The following KANK1 variants were observed in gnomAD, a reference collection of about 807,000 sequenced individuals.
KANK1 encodes KN motif and ankyrin repeat domain-containing protein 1.
KANK1 carries 109 observed loss-of-function variants against 106.2 expected under a neutral mutation model. The ratio of observed to expected loss-of-function variants is 1.03; its 90% CI spans 0.88 to 1.20. KANK1 has a LOEUF of 1.20. KANK1 is among the 50% of genes most tolerant of loss of function. KANK1 has a pLI of 0.00. For missense variants in KANK1, 2,399 were observed against 1,710.7 expected (o/e 1.40, Z -7.10); for synonymous variants, 873 against 652.2 (o/e 1.34, Z -5.16).
chr9:497,042 C>G (rs1255153632), intron 3 of KANK1, among the ~76,000 whole-genome samples: 1 of 152,036 alleles, frequency 6.6e-6, no homozygotes, highest in African/African-American at 2.4e-5. Flanking sequence ...ATACAGGGTT[C>G]CAGCTTAATG....
intron 3 of KANK1, among the ~76,000 whole-genome samples, chr9:490,183 C>T (rs1032907076): frequency 6.6e-6 from 1 of 152,138 alleles, no homozygotes; most frequent in Non-Finnish European, 1.5e-5. Flanking sequence ...TGTTTCTAGA[C>T]ATTTTAAATA....
At chr9:680,111 T>C (rs985063693) in intron 2 of KANK1, among the ~76,000 whole-genome samples, 4 of 152,116 alleles carry the variant, frequency 2.6e-5, no homozygotes, top group East Asian at 1.9e-4. Flanking sequence ...TGGAGTAAAT[T>C]ATATGTTTCT....
intron 1 of KANK1, among the ~76,000 whole-genome samples, chr9:586,064 GCTGTGTGAT>G (rs1823389878): frequency 6.6e-6 from 1 of 152,192 alleles, no homozygotes; most frequent in Non-Finnish European, 1.5e-5. Context: ...TTGAGTACCT[GCTGTGTGAT>G]CTGTAAGGCA....
chr9:732,343 A>C (rs373755420), intron 5 of KANK1, 35 bp from the exon 6 acceptor site: 53 of 1,593,964 alleles, frequency 3.3e-5, no homozygotes, highest in Non-Finnish European at 4.3e-5. Context: ...TCGTGAGCAC[A>C]CCTTGCATCT....
At chr9:624,791 T>C (rs948903493) in intron 1 of KANK1, among the ~76,000 whole-genome samples, 3 of 151,848 alleles carry the variant, frequency 2.0e-5, no homozygotes, top group Admixed American at 6.5e-5. Context: ...AGAGCGAGAC[T>C]CTGTCTCAAA....
chr9:498,404 A>G (rs912072277), intron 3 of KANK1, among the ~76,000 whole-genome samples: 2 of 152,228 alleles, frequency 1.3e-5, no homozygotes. Flanking sequence ...CAATGGACAC[A>G]AGACAAATTA....
chr9:707,167 G>T (rs564460487), intron 2 of KANK1: 2 of 985,712 alleles, frequency 2.0e-6, no homozygotes, highest in East Asian at 1.1e-4. Flanking sequence ...GATCGAGGGC[G>T]CCCGAGGCCG....
chr9:707,323 G>A (rs1046248325), intron 2 of KANK1: 10 of 766,132 alleles, frequency 1.3e-5, no homozygotes, highest in East Asian at 1.3e-4. Flanking sequence ...GGGGCCGGCC[G>A]GGAAGGTGCG....
intron 4 of KANK1, 66 bp downstream of exon 4, chr9:730,314 T>C: frequency 6.9e-7 from 1 of 1,441,118 alleles, no homozygotes; most frequent in Non-Finnish European, 9.8e-7. Context: ...GCATTCCAAT[T>C]TAATGTCAAT....
chr9:485,608 C>A (rs1438897070), intron 3 of KANK1, among the ~76,000 whole-genome samples: 7 of 152,148 alleles, frequency 4.6e-5, no homozygotes, highest in Non-Finnish European at 1.0e-4. Flanking sequence ...CACAGTGGTT[C>A]ACGCCTGTAA....
chr9:567,098 G>A (rs965935238), intron 1 of KANK1, among the ~76,000 whole-genome samples: 13 of 152,186 alleles, frequency 8.5e-5, no homozygotes, highest in African/African-American at 3.1e-4. Flanking sequence ...ATTCAACAGG[G>A]AGTCCTTTCC....
intron 1 of KANK1, among the ~76,000 whole-genome samples, chr9:650,811 C>A (rs1216525938): frequency 1.3e-5 from 2 of 152,022 alleles, no homozygotes; most frequent in African/African-American, 4.8e-5. Flanking sequence ...ATGTTGCAGT[C>A]CATGGATTTG....
intron 1 of KANK1, among the ~76,000 whole-genome samples, chr9:532,331 TCACTGG>T: frequency 6.9e-6 from 1 of 145,232 alleles, no homozygotes; most frequent in African/African-American, 2.5e-5. Context: ...AACCTCTGTC[TCACTGG>T]TTCAAGCGAT....
chr9:688,609 A>G (rs2139365313), intron 2 of KANK1, among the ~76,000 whole-genome samples: 1 of 152,166 alleles, frequency 6.6e-6, no homozygotes, highest in South Asian at 2.1e-4. Flanking sequence ...AAAAAAAAAA[A>G]AAAAGAGTGA....
At chr9:718,568 C>G (rs1190247643) in intron 3 of KANK1, among the ~76,000 whole-genome samples, 1 of 152,066 alleles carries the variant, frequency 6.6e-6, no homozygotes, top group African/African-American at 2.4e-5. Context: ...CCTCAGCCTC[C>G]CAAATTATTG....
chr9:635,691 A>ATTTTT (rs1163885705), intron 1 of KANK1, among the ~76,000 whole-genome samples: 4 of 116,076 alleles, frequency 3.4e-5, no homozygotes, highest in African/African-American at 1.3e-4. Flanking sequence ...ATTCCTTTTT[A>ATTTTT]TTCTTTTTTT....
chr9:710,494 T>A (rs542428259), intron 2 of KANK1, among the ~76,000 whole-genome samples: 29 of 151,980 alleles, frequency 1.9e-4, no homozygotes, highest in African/African-American at 6.3e-4. Context: ...GGTGCACCCC[T>A]GTAATCCCAG....
At chr9:655,690 C>G (rs976956287) in intron 1 of KANK1, among the ~76,000 whole-genome samples, 3 of 152,150 alleles carry the variant, frequency 2.0e-5, no homozygotes, top group African/African-American at 7.2e-5. Context: ...TATCAACACA[C>G]AGTTTTTATA....
chr9:504,977 G>A lies in KANK1; in HGVS notation c.-84+223G>A, dbSNP rs555277142. Reference sequence around the variant, plus strand: ...GGCGGTCCTGGGGGGGGGTCCGAGAGGTGGCGTCGGCCCCGCGGCCGTCGG... The same window carrying A: ...GGCGGTCCTGGGGGGGGGTCCGAGAAGTGGCGTCGGCCCCGCGGCCGTCGG... On this transcript the variant is annotated intron_variant, in intron 1 of 11. Coordinates refer to ENST00000382297, the MANE Select transcript of KANK1 (RefSeq NM_015158.5). Among the ~76,000 whole-genome samples the A allele has an allele frequency of 6.6e-5, 10 of 151,322 alleles. No homozygotes were observed. In the South Asian group the frequency reaches 1.5e-3, roughly 22 times the overall value.
Sources: gnomAD v4.1 joint callset for allele counts (sites outside exome capture counted in the v4.1 genomes callset) on GRCh38, gnomAD v4.1.1 for gene constraint, MANE v1.5 for transcripts, NCBI Gene and HGNC (gene_info 2026-07-23, HGNC 2026-07-21) for gene names.